The following EMC3 variants were observed in gnomAD, a reference collection of about 807,000 sequenced individuals.
The protein encoded by EMC3 is ER membrane protein complex subunit 3, also known as 30 kDa protein.
A neutral mutation model predicts 36.6 loss-of-function variants in EMC3; 13 were observed. The ratio of observed to expected loss-of-function variants is 0.35; its 90% confidence interval spans 0.23 to 0.56. EMC3 has a LOEUF of 0.56. EMC3 is among the 20% of genes least tolerant of loss of function. The pLI, the probability that EMC3 is intolerant of heterozygous loss-of-function variation, is 0.84. For synonymous variants in EMC3, 120 were observed against 111.9 expected, an observed-to-expected ratio of 1.07 and a Z score of -0.46; for missense variants, 220 against 324.5, an observed-to-expected ratio of 0.68 and a Z score of 2.47.
Position 10,006,196 on chromosome 3 carries a change from C to G in EMC3, c.-242+4827G>C, listed in dbSNP as rs181054125. Reference sequence around the variant, plus strand: ...ACCATCCCAGGAAGCCAGCATCGTCCAAGCTGAGAAGTCCAAGCTGAGAAG... The same window carrying G: ...ACCATCCCAGGAAGCCAGCATCGTCGAAGCTGAGAAGTCCAAGCTGAGAAG... On this transcript the variant is annotated intron_variant, in intron 1 of 8. Coordinates refer to the EMC3 transcript ENST00000470827. Among the ~76,000 whole-genome samples the G allele has an allele frequency of 3.9e-5, 6 of 152,222 alleles. No homozygotes were observed. In the East Asian group the frequency reaches 9.7e-4, roughly 25 times the overall value.
intron 1 of EMC3, among the ~76,000 whole-genome samples, chr3:9,984,656 G>A (rs1176646382): frequency 6.6e-6 from 1 of 152,192 alleles, no homozygotes; most frequent in Non-Finnish European, 1.5e-5. Flanking sequence ...CTCCCAAAGT[G>A]CTGGGAGTAC....
intron 1 of EMC3, among the ~76,000 whole-genome samples, chr3:9,993,996 TCC>T (rs1191618836): frequency 4.6e-5 from 7 of 152,304 alleles, no homozygotes; most frequent in Non-Finnish European, 8.8e-5. Flanking sequence ...AAATGTGGAC[TCC>T]CATTGATCCT....
chr3:9,971,214 G>C (rs985295636), intron 5 of EMC3, among the ~76,000 whole-genome samples: 1 of 151,986 alleles, frequency 6.6e-6, no homozygotes, highest in Non-Finnish European at 1.5e-5. Flanking sequence ...TGAGCCACTG[G>C]GTGTGTTCCA....
chr3:9,988,572 C>T, upstream of EMC3: 1 of 879,356 alleles, frequency 1.1e-6, no homozygotes, highest in South Asian at 1.3e-5. Flanking sequence ...AATCTCAAAA[C>T]TCATTCAAGT....
At chr3:10,002,731 AGAG>A in intron 1 of EMC3, 1 of 428,678 alleles carries the variant, frequency 2.3e-6, no homozygotes, top group East Asian at 7.1e-5. Flanking sequence ...AGAGTATGCA[AGAG>A]GAGGAGACCT....
intron 7 of EMC3, among the ~76,000 whole-genome samples, chr3:9,965,402 C>T (rs768987416): frequency 6.8e-6 from 1 of 147,670 alleles, no homozygotes; most frequent in Non-Finnish European, 1.5e-5. Flanking sequence ...GCCTGGGTGA[C>T]ACAGTGAGAC....
intron 1 of EMC3, among the ~76,000 whole-genome samples, chr3:9,996,410 T>A (rs62245491): frequency 0.04 from 6,126 of 151,666 alleles, 140 homozygotes; most frequent in Non-Finnish European, 0.059. Context: ...GTGCCACTGC[T>A]CTCCAGCCTG....
chr3:9,994,513 A>C (rs370669663), intron 1 of EMC3, among the ~76,000 whole-genome samples: 14 of 152,098 alleles, frequency 9.2e-5, no homozygotes, highest in African/African-American at 3.1e-4. Flanking sequence ...TGTGTTCTGA[A>C]CTCTAAAATT....
chr3:10,006,374 G>C (rs1398981819), intron 1 of EMC3: 2 of 152,270 alleles, frequency 1.3e-5, no homozygotes, highest in Non-Finnish European at 1.5e-5. Context: ...TTGCATGGCT[G>C]AAGACAAAAA....
upstream of EMC3, chr3:9,987,904 A>G (rs1204362166): frequency 7.2e-6 from 7 of 978,390 alleles, no homozygotes; most frequent in Admixed American, 1.7e-5. Flanking sequence ...AACTTTCTGC[A>G]GGTAATCTCT....
At chr3:9,995,920 A>G (rs1169374408) in intron 1 of EMC3, among the ~76,000 whole-genome samples, 1 of 152,014 alleles carries the variant, frequency 6.6e-6, no homozygotes, top group East Asian at 1.9e-4. Flanking sequence ...GTACATAGCC[A>G]TAGTTCGAGC....
intron 1 of EMC3, chr3:10,003,467 ATAGT>A (rs765773449): frequency 6.2e-5 from 22 of 355,650 alleles, no homozygotes; most frequent in Non-Finnish European, 1.1e-4. Context: ...GAGTAGTTTT[ATAGT>A]CAGTGTAGAC....
chr3:9,977,716 A>G (rs1412548024), intron 1 of EMC3, among the ~76,000 whole-genome samples: 2 of 152,240 alleles, frequency 1.3e-5, no homozygotes, highest in Non-Finnish European at 2.9e-5. Context: ...CATTACACTC[A>G]GCTTTTTCTT....
chr3:9,963,951 C>CT lies in EMC3; in HGVS notation c.*117dup, dbSNP rs1270172598. On this transcript the variant is annotated 3_prime_UTR_variant, in exon 8 of 8. Transcript: ENST00000245046. ...CCAGCCCAGACAAGAACAAGCCTTGCTGCATGCCTGCCAGCTCGTGCATCC... is the reference window on the plus strand; with the variant it reads ...CCAGCCCAGACAAGAACAAGCCTTGCTTGCATGCCTGCCAGCTCGTGCATCC... 4.6e-6 allele frequency: 7 copies of CT among 1,523,116 alleles called. No homozygotes were observed. Among genetic ancestry groups the CT allele is most frequent in the Non-Finnish European group, 6.2e-6 (7 of 1,128,250 alleles). The allele number at this position is 1,523,116 out of a possible 1,614,324, so 94.4% of individuals were successfully genotyped here. A position where few individuals can be genotyped will look rare whatever the true frequency, so the allele number is the denominator to read the frequency against.
chr3:9,963,244 G>A lies in EMC3; in HGVS notation c.*825C>T, dbSNP rs923654892. On this transcript the variant is annotated 3_prime_UTR_variant, in exon 8 of 8. Coordinates refer to ENST00000245046, the MANE Select transcript of EMC3 (RefSeq NM_001394674.1). ...CAAAATGAACAGGGAGATTCATTTT[G>A]TTCATCCATAGTTTCTAAACCTTTG... is the stretch of plus-strand genomic sequence containing the variant. The A allele has an allele frequency of 6.6e-6, 1 of 151,960 alleles. No homozygotes were observed. Among genetic ancestry groups the A allele is most frequent in the African/African-American group, 2.4e-5 (1 of 41,358 alleles). 9.4% of individuals were successfully genotyped at this position (151,960 alleles called of 1,614,324 possible). A position where few individuals can be genotyped will look rare whatever the true frequency, so the allele number is the denominator to read the frequency against.
intron 1 of EMC3, among the ~76,000 whole-genome samples, chr3:9,992,204 T>C (rs2086062108): frequency 6.6e-6 from 1 of 152,172 alleles, no homozygotes; most frequent in African/African-American, 2.4e-5. Context: ...CATTGCAACC[T>C]GCACCTCCCG....
At chr3:9,987,648 C>G (rs893002289), upstream of EMC3, among the ~76,000 whole-genome samples, 3 of 152,186 alleles carry the variant, frequency 2.0e-5, no homozygotes, top group Non-Finnish European at 4.4e-5. Context: ...AGCTATTCAA[C>G]AGATTCATTG....
At chr3:10,001,445 GT>G (rs2086199513) in intron 1 of EMC3, among the ~76,000 whole-genome samples, 3 of 151,284 alleles carry the variant, frequency 2.0e-5, no homozygotes, top group African/African-American at 4.9e-5. Context: ...GGGTGTGGTG[GT>G]GGGCGCCTGT....
upstream of EMC3, among the ~76,000 whole-genome samples, chr3:9,989,414 G>T (rs537771628): frequency 6.6e-6 from 1 of 152,258 alleles, no homozygotes; most frequent in South Asian, 2.1e-4. Flanking sequence ...AAATTAGCCT[G>T]GCCTGGTGGC....
Sources: gnomAD v4.1 joint callset for allele counts (sites outside exome capture counted in the v4.1 genomes callset) on GRCh38, gnomAD v4.1.1 for gene constraint, MANE v1.5 for transcripts, NCBI Gene and HGNC (gene_info 2026-07-23, HGNC 2026-07-21) for gene names.